The following SLCO4C1 variants were observed in gnomAD, a reference collection of about 807,000 sequenced individuals.
SLCO4C1 encodes solute carrier organic anion transporter family member 4C1.
Under a neutral mutation model 72.1 loss-of-function variants are expected in SLCO4C1, and 58 were observed. That is an observed-to-expected ratio of 0.80 (90% CI 0.65 to 1.00). The LOEUF (loss-of-function observed/expected upper bound fraction) is 1.00. SLCO4C1 is among the 50% of genes least tolerant of loss of function. The pLI, the probability that SLCO4C1 is intolerant of heterozygous loss-of-function variation, is 0.00. For missense variants in SLCO4C1, 898 were observed against 857.9 expected (o/e 1.05, Z -0.58); for synonymous variants, 297 against 312.5 (o/e 0.95, Z 0.52).
chr5:102,280,857 G>T (rs912310325), intron 2 of SLCO4C1, among the ~76,000 whole-genome samples: 11 of 152,058 alleles, frequency 7.2e-5, no homozygotes, highest in Admixed American at 2.0e-4. Flanking sequence ...GGATCATGGG[G>T]ATTAGAATTT....
At chr5:102,246,154 T>C (rs1017713421) in intron 10 of SLCO4C1, among the ~76,000 whole-genome samples, 5 of 151,434 alleles carry the variant, frequency 3.3e-5, no homozygotes, top group Non-Finnish European at 7.4e-5. Context: ...AACCTAAAAT[T>C]AGTAGAAGAA....
At position 102,270,671 on chromosome 5, in the gene SLCO4C1, G is replaced by A. The variant is rs770439268; in HGVS notation, c.755C>T (p.Ala252Val). The A allele has an allele frequency of 9.9e-6, 16 of 1,613,038 alleles. No homozygotes were observed. The highest frequency in any genetic ancestry group is 1.3e-5 in the Non-Finnish European group (15 of 1,179,424). ...TGTGGGCACAGAATCATCAAGAAAG[G>A]CTGTTCCCAGAGTATAAAGAGGAGT... ...GGTPLYTLGT[A>V]FLDDSVPTHK... Residue 252 changes from alanine to valine, a missense_variant, in exon 3 of 13, where the codon GCC becomes GTC. Coordinates refer to ENST00000310954, the MANE Select transcript of SLCO4C1 (RefSeq NM_180991.5).
rs186157024 is a variant in SLCO4C1, at chr5:102,268,639, T to C, written c.802+1985A>G. On this transcript the variant is annotated intron_variant, in intron 3 of 12. Coordinates refer to ENST00000310954, the MANE Select transcript of SLCO4C1 (RefSeq NM_180991.5). ...ATAATTGTTTTCTGATTGTTTTATATATCCTTTGTTCATTTCTTCCTCTCT... is the reference window on the plus strand; with the variant it reads ...ATAATTGTTTTCTGATTGTTTTATACATCCTTTGTTCATTTCTTCCTCTCT... Among the ~76,000 whole-genome samples, 516 of 152,296 alleles carry C rather than the reference T, an allele frequency of 3.4e-3. 2 individuals carry two copies. The highest frequency in any genetic ancestry group is 0.012 in the African/African-American group (494 of 41,586).
chr5:102,266,604 CG>C (rs1749044909), intron 3 of SLCO4C1, among the ~76,000 whole-genome samples: 1 of 151,858 alleles, frequency 6.6e-6, no homozygotes, highest in Admixed American at 6.6e-5. Flanking sequence ...GAGCAGAGAT[CG>C]CACCACTGCA....
At chr5:102,292,086 A>G (rs557929510) in intron 1 of SLCO4C1, among the ~76,000 whole-genome samples, 6 of 152,254 alleles carry the variant, frequency 3.9e-5, no homozygotes, top group African/African-American at 1.2e-4. Flanking sequence ...CGGACTCCCA[A>G]AGTGCTGGGA....
chr5:102,237,387 G>C (rs755822409), intron 12 of SLCO4C1, among the ~76,000 whole-genome samples: 32 of 152,118 alleles, frequency 2.1e-4, no homozygotes, highest in Non-Finnish European at 3.8e-4. Flanking sequence ...TGGATGTCTT[G>C]AGTCCAAGAG....
At chr5:102,252,305 A>G (rs1244819782) in intron 8 of SLCO4C1, among the ~76,000 whole-genome samples, 3 of 152,180 alleles carry the variant, frequency 2.0e-5, no homozygotes, top group Admixed American at 2.0e-4. Flanking sequence ...AGAACAAGAA[A>G]GTCATGAAGA....
At chr5:102,243,337 G>A (rs563247772) in intron 10 of SLCO4C1, among the ~76,000 whole-genome samples, 99 of 152,204 alleles carry the variant, frequency 6.5e-4, no homozygotes, top group Middle Eastern at 3.4e-3. Context: ...AGGGCCCCAG[G>A]TCCTTAAGCA....
intron 2 of SLCO4C1, among the ~76,000 whole-genome samples, chr5:102,288,339 C>G (rs1243760624): frequency 1.3e-5 from 2 of 152,290 alleles, no homozygotes; most frequent in East Asian, 3.9e-4. Flanking sequence ...CCCAGCTGAT[C>G]AAGCCAAATA....
chr5:102,240,088 TC>T (rs1404056762), intron 11 of SLCO4C1, among the ~76,000 whole-genome samples: 1 of 152,126 alleles, frequency 6.6e-6, no homozygotes, highest in Non-Finnish European at 1.5e-5. Flanking sequence ...TACTTTCATT[TC>T]TATCACTAGT....
At chr5:102,259,345 T>G (rs1748895474) in intron 6 of SLCO4C1, among the ~76,000 whole-genome samples, 1 of 152,116 alleles carries the variant, frequency 6.6e-6, no homozygotes, top group Non-Finnish European at 1.5e-5. Context: ...AATTAAAATT[T>G]ATAAGATAAA....
chr5:102,286,239 T>C (rs1031818519), intron 2 of SLCO4C1, among the ~76,000 whole-genome samples: 4 of 152,132 alleles, frequency 2.6e-5, no homozygotes, highest in Admixed American at 6.5e-5. Context: ...AACAAAGATA[T>C]AGTGCAACGT....
chr5:102,273,125 GAC>G (rs1749184313), intron 2 of SLCO4C1, among the ~76,000 whole-genome samples: 1 of 151,958 alleles, frequency 6.6e-6, no homozygotes, highest in South Asian at 2.1e-4. Context: ...TGAGAATTAT[GAC>G]AGAGAGAATA....
rs1561362619 is a variant in SLCO4C1, at chr5:102,236,579, T to TGG, written c.*278_*279insCC. ...GGAATAGGAAATAAGTGTGTATGTG[T>TGG]GCGTGTGTGTGTGTGTGTGTGTGTT... On this transcript the variant is annotated 3_prime_UTR_variant, in exon 13 of 13. Coordinates refer to ENST00000310954, the MANE Select transcript of SLCO4C1 (RefSeq NM_180991.5). 4.6e-6 allele frequency: 1 copy of TGG among 218,718 alleles called. No individual in the cohort carries two copies. The highest frequency in any genetic ancestry group is 4.0e-5 in the African/African-American group (1 of 25,260). 13.5% of individuals were successfully genotyped at this position (218,718 alleles called of 1,614,324 possible).
intron 6 of SLCO4C1, 132 bp downstream of exon 6, chr5:102,260,081 T>G: frequency 4.0e-6 from 1 of 247,176 alleles, no homozygotes; most frequent in Non-Finnish European, 8.0e-6. Flanking sequence ...CATGTGTGGT[T>G]GTATTTGTAT....
At chr5:102,285,208 T>C (rs951497015) in intron 2 of SLCO4C1, among the ~76,000 whole-genome samples, 4 of 74,260 alleles carry the variant, frequency 5.4e-5, no homozygotes, top group African/African-American at 3.1e-4. Context: ...TTCATATATA[T>C]ACATACACAC....
chr5:102,264,622 T>C lies in SLCO4C1; in HGVS notation c.803-842A>G, dbSNP rs572802147. Reference sequence around the variant, plus strand: ...CTCATACATTTATGACTTGTTTATGTTGGGAACATTCAACATCCCCTCTTC... The same window carrying C: ...CTCATACATTTATGACTTGTTTATGCTGGGAACATTCAACATCCCCTCTTC... On this transcript the variant is annotated intron_variant, in intron 3 of 12. Transcript: ENST00000310954. Among the ~76,000 whole-genome samples the C allele has an allele frequency of 3.3e-5, 5 of 150,832 alleles. No homozygotes were observed. In the South Asian group the frequency reaches 1.0e-3, roughly 31 times the overall value.
chr5:102,285,445 C>T (rs1035034677), intron 2 of SLCO4C1, among the ~76,000 whole-genome samples: 15 of 151,944 alleles, frequency 9.9e-5, no homozygotes, highest in South Asian at 2.1e-4. Context: ...CCACCATGCC[C>T]GGCTAATTTT....
intron 2 of SLCO4C1, among the ~76,000 whole-genome samples, chr5:102,285,208 T>TACAC (rs1296266871): frequency 1.3e-5 from 1 of 74,260 alleles, no homozygotes; most frequent in South Asian, 3.8e-4. Flanking sequence ...TTCATATATA[T>TACAC]ACATACACAC....
Sources: allele counts gnomAD v4.1 joint callset (sites outside exome capture counted in the v4.1 genomes callset), GRCh38; gene constraint gnomAD v4.1.1; transcripts MANE v1.5; gene names NCBI Gene and HGNC (gene_info 2026-07-23, HGNC 2026-07-21).